The following DTNA variants were observed in gnomAD, a reference collection of about 807,000 sequenced individuals.
DTNA encodes the protein dystrophin-related protein 3.
A neutral mutation model predicts 100.7 loss-of-function variants in DTNA; 43 were observed. The observed-to-expected ratio is 0.43, with a 90% CI of 0.33 to 0.55. DTNA has a LOEUF of 0.55. Among genes scored for constraint, DTNA ranks in the 20% least tolerant of loss-of-function variants. DTNA has a pLI of 0.04. For synonymous variants in DTNA, 349 were observed against 347.9 expected (o/e 1.00, Z -0.04); for missense variants, 798 against 953.9 (o/e 0.84, Z 2.15).
chr18:34,754,957 G>C (rs989862155), intron 1 of DTNA, among the ~76,000 whole-genome samples: 16 of 152,284 alleles, frequency 1.1e-4, no homozygotes, highest in Admixed American at 5.2e-4. Flanking sequence ...TGTCAAAAAA[G>C]AGCATGGACA....
chr18:34,765,900 A>C, intron 2 of DTNA, 61 bp from the exon 3 acceptor site: 2 of 1,528,706 alleles, frequency 1.3e-6, no homozygotes, highest in Non-Finnish European at 1.8e-6. Flanking sequence ...TTATTTGTAA[A>C]CATTGTAAAT....
intron 17 of DTNA, among the ~76,000 whole-genome samples, chr18:34,872,457 C>A (rs978488030): frequency 6.6e-6 from 1 of 152,160 alleles, no homozygotes; most frequent in African/African-American, 2.4e-5. Context: ...TCACTAGATC[C>A]AGATATGTTC....
intron 1 of DTNA, among the ~76,000 whole-genome samples, chr18:34,545,013 C>A (rs1401073017): frequency 6.6e-6 from 1 of 151,944 alleles, no homozygotes; most frequent in Non-Finnish European, 1.5e-5. Context: ...AGGTAGCTAT[C>A]CTTGTCCAGC....
intron 1 of DTNA, among the ~76,000 whole-genome samples, chr18:34,504,416 T>G (rs577277030): frequency 1.3e-5 from 2 of 152,188 alleles, no homozygotes; most frequent in African/African-American, 2.4e-5. Context: ...TTATTCATAT[T>G]TTTTGCTTAC....
intron 1 of DTNA, among the ~76,000 whole-genome samples, chr18:34,682,515 T>A (rs983454904): frequency 1.3e-5 from 2 of 152,184 alleles, no homozygotes; most frequent in Non-Finnish European, 2.9e-5. Context: ...GTCCTGTTGC[T>A]CCATATCCTC....
intron 1 of DTNA, among the ~76,000 whole-genome samples, chr18:34,680,263 C>T (rs1171955241): frequency 6.6e-6 from 1 of 152,116 alleles, no homozygotes; most frequent in African/African-American, 2.4e-5. Flanking sequence ...CATCATATGT[C>T]ATCACCCTTC....
intron 1 of DTNA, among the ~76,000 whole-genome samples, chr18:34,529,811 G>A (rs1203492021): frequency 2.6e-5 from 4 of 152,228 alleles, no homozygotes; most frequent in East Asian, 1.9e-4. Context: ...ATAAATTCAT[G>A]ATTCTCTGGA....
At chr18:34,643,425 C>A (rs2059511336) in intron 1 of DTNA, among the ~76,000 whole-genome samples, 1 of 152,228 alleles carries the variant, frequency 6.6e-6, no homozygotes, top group South Asian at 2.1e-4. Flanking sequence ...AGCAGCCTAT[C>A]CCCAGTTCCT....
chr18:34,681,388 GA>G (rs1463097051), intron 1 of DTNA, among the ~76,000 whole-genome samples: 1 of 151,896 alleles, frequency 6.6e-6, no homozygotes, highest in African/African-American at 2.4e-5. Flanking sequence ...TACATACAAA[GA>G]GGTCACAAGT....
At chr18:34,548,590 ATATC>A (rs1339738558) in intron 1 of DTNA, among the ~76,000 whole-genome samples, 6 of 152,090 alleles carry the variant, frequency 3.9e-5, no homozygotes, top group Non-Finnish European at 8.8e-5. Flanking sequence ...ATTGAAAGAA[ATATC>A]TATCATTTGG....
chr18:34,647,155 TA>T (rs112320555), intron 1 of DTNA, among the ~76,000 whole-genome samples: 9,749 of 152,028 alleles, frequency 0.064, 952 homozygotes, highest in African/African-American at 0.22. Flanking sequence ...AAAATGAGAA[TA>T]ACACACGGGT....
chr18:34,503,453 A>C (rs1044714150), intron 1 of DTNA, among the ~76,000 whole-genome samples: 1 of 151,352 alleles, frequency 6.6e-6, no homozygotes, highest in Non-Finnish European at 1.5e-5. Context: ...ACACCTGGCT[A>C]ATTTTTTGTA....
chr18:34,763,873 T>C (rs1462553108), intron 2 of DTNA, among the ~76,000 whole-genome samples: 2 of 152,128 alleles, frequency 1.3e-5, no homozygotes, highest in Non-Finnish European at 2.9e-5. Flanking sequence ...GAGTTGAACA[T>C]CTTTTACCCT....
intron 18 of DTNA, 35 bp downstream of exon 18, chr18:34,875,433 T>C: frequency 6.2e-7 from 1 of 1,613,916 alleles, no homozygotes; most frequent in Non-Finnish European, 8.5e-7. Flanking sequence ...GGTCTGCTTT[T>C]ATGTGGCAAA....
intron 1 of DTNA, among the ~76,000 whole-genome samples, chr18:34,697,432 T>C (rs764415790): frequency 6.6e-6 from 1 of 152,192 alleles, no homozygotes; most frequent in Non-Finnish European, 1.5e-5. Flanking sequence ...TTAAAATGCA[T>C]GTGTGTCATT....
chr18:34,736,663 C>G (rs1264917778), intron 1 of DTNA, among the ~76,000 whole-genome samples: 1 of 152,022 alleles, frequency 6.6e-6, no homozygotes, highest in Non-Finnish European at 1.5e-5. Context: ...AGACATTTGC[C>G]CAGTGTGTTC....
At chr18:34,867,575 T>C (rs987844674) in intron 17 of DTNA, 10 of 1,076,612 alleles carry the variant, frequency 9.3e-6, no homozygotes, top group Non-Finnish European at 1.0e-5. Flanking sequence ...ATTTAGCATG[T>C]GCATAGAAAA....
intron 3 of DTNA, among the ~76,000 whole-genome samples, chr18:34,779,454 T>A (rs1242476217): frequency 6.6e-6 from 1 of 152,216 alleles, no homozygotes; most frequent in Non-Finnish European, 1.5e-5. Context: ...GGTAGCTATT[T>A]GATAACTTAT....
chr18:34,578,247 A>G (rs1204946688), intron 1 of DTNA, among the ~76,000 whole-genome samples: 2 of 151,796 alleles, frequency 1.3e-5, no homozygotes, highest in African/African-American at 2.4e-5. Flanking sequence ...ATTTTTACAT[A>G]TGTTTGTTGG....
Sources: gnomAD v4.1 joint callset for allele counts (sites outside exome capture counted in the v4.1 genomes callset) on GRCh38, gnomAD v4.1.1 for gene constraint, MANE v1.5 for transcripts, NCBI Gene and HGNC (gene_info 2026-07-23, HGNC 2026-07-21) for gene names.